The following C1QTNF5 variants were observed in gnomAD, a reference collection of about 807,000 sequenced individuals.
C1QTNF5 encodes the protein C1q and TNF related 5.
A neutral mutation model predicts 10.9 loss-of-function variants in C1QTNF5; 5 were observed. The ratio of observed to expected loss-of-function variants is 0.46; its 90% CI spans 0.24 to 0.97. C1QTNF5 has a LOEUF of 0.97. Ranked by LOEUF, C1QTNF5 falls within the 50% of genes least tolerant of loss-of-function variation. The probability of loss-of-function intolerance (pLI) is 0.19; values close to 1 mark genes in which losing one functional copy is unlikely to be tolerated. For synonymous variants in C1QTNF5, 161 were observed against 156.5 expected (o/e 1.03, Z -0.22); for missense variants, 281 against 339.4 (o/e 0.83, Z 1.35).
upstream of C1QTNF5, among the ~76,000 whole-genome samples, chr11:119,342,246 G>A (rs957320279): frequency 3.9e-5 from 6 of 152,224 alleles, no homozygotes; most frequent in Admixed American, 2.0e-4. Flanking sequence ...ACCCGCGTTT[G>A]CAGGGACTGC....
At chr11:119,342,958 A>G, upstream of C1QTNF5, 1 of 1,610,900 alleles carries the variant, frequency 6.2e-7, no homozygotes. Context: ...CAGCCAGCTC[A>G]TGGTGCGAGG....
At chr11:119,344,694 C>T (rs757209660), upstream of C1QTNF5, 6 of 1,613,968 alleles carry the variant, frequency 3.7e-6, no homozygotes, top group East Asian at 6.7e-5. Context: ...AAAACCATCA[C>T]ACACTGAGTC....
chr11:119,341,462 T>C, upstream of C1QTNF5: 2 of 1,177,408 alleles, frequency 1.7e-6, no homozygotes, highest in Non-Finnish European at 2.5e-6. Context: ...GAGACCCTGC[T>C]GATGCTCCTT....
upstream of C1QTNF5, chr11:119,342,776 C>T (rs377761571): frequency 6.2e-7 from 1 of 1,613,128 alleles, no homozygotes; most frequent in African/African-American, 1.3e-5. Context: ...CCTACACCCC[C>T]AGTACCCCCA....
upstream of C1QTNF5, chr11:119,344,397 G>C: frequency 1.2e-6 from 2 of 1,613,192 alleles, no homozygotes; most frequent in Non-Finnish European, 1.7e-6. Flanking sequence ...ACACCCTGTA[G>C]AGAGGTGGAA....
chr11:119,343,873 A>C (rs2135370543), upstream of C1QTNF5: 1 of 1,613,806 alleles, frequency 6.2e-7, no homozygotes, highest in Middle Eastern at 1.6e-4. Flanking sequence ...CACGTAGTCA[A>C]ACTTGCACTC....
At chr11:119,341,364 G>A (rs1165272930), upstream of C1QTNF5, 1 of 609,118 alleles carries the variant, frequency 1.6e-6, no homozygotes, top group Non-Finnish European at 2.9e-6. Context: ...AAAGGGACAG[G>A]AAGGAGCAGG....
At chr11:119,343,141 C>G, upstream of C1QTNF5, 2 of 1,074,534 alleles carry the variant, frequency 1.9e-6, no homozygotes, top group Non-Finnish European at 2.7e-6. Context: ...TAGGGTCTGG[C>G]GAGAAAGACA....
At chr11:119,344,294 T>C (rs575586747), upstream of C1QTNF5, 1 of 1,611,720 alleles carries the variant, frequency 6.2e-7, no homozygotes, top group African/African-American at 1.3e-5. Context: ...CCTCCCGTTC[T>C]GCATGGAGCA....
At chr11:119,340,529 C>T (rs1950492362) in intron 1 of C1QTNF5, 89 bp from the exon 2 acceptor site, 2 of 971,402 alleles carry the variant, frequency 2.1e-6, no homozygotes, top group South Asian at 3.0e-5. Flanking sequence ...GGTCCCCACC[C>T]CACTGCCGTG....
chr11:119,339,241 C>T lies in C1QTNF5; in HGVS notation c.*90G>A, dbSNP rs1464431682. On this transcript the variant is annotated 3_prime_UTR_variant, in exon 3 of 3. Transcript: ENST00000528368. This position sits in a 1 kb window ranked among gnomAD's most constrained non-coding sequence, Gnocchi z 5.4. Reference sequence around the variant, plus strand: ...CACCTCCCTAGTCATTCACAATATTCCAGGGGGGCCAGCCCTCCTGGATGA... The same window carrying T: ...CACCTCCCTAGTCATTCACAATATTTCAGGGGGGCCAGCCCTCCTGGATGA... 1.4e-6 allele frequency: 2 copies of T among 1,449,736 alleles called. No homozygotes were observed. Among genetic ancestry groups the T allele is most frequent in the Non-Finnish European group, 1.9e-6 (2 of 1,063,544 alleles). The allele number at this position is 1,449,736 out of a possible 1,614,324, so 89.8% of individuals were successfully genotyped here.
At chr11:119,345,952 G>A in the C1QTNF5 span, 1 of 1,613,644 alleles carries the variant, frequency 6.2e-7, no homozygotes, top group South Asian at 1.1e-5. Context: ...GATGGAGGGT[G>A]GCGTTCAGAG....
chr11:119,344,296 C>T, upstream of C1QTNF5: 4 of 1,612,170 alleles, frequency 2.5e-6, no homozygotes, highest in Non-Finnish European at 3.4e-6. Flanking sequence ...TCCCGTTCTG[C>T]ATGGAGCACT....
At chr11:119,346,440 C>T in the C1QTNF5 span, 9 of 1,614,074 alleles carry the variant, frequency 5.6e-6, no homozygotes, top group Admixed American at 5.0e-5. Flanking sequence ...CTTAGGAGCA[C>T]GATTCTATGT....
At chr11:119,341,440 G>T, upstream of C1QTNF5, 1 of 935,192 alleles carries the variant, frequency 1.1e-6, no homozygotes, top group Admixed American at 2.3e-5. Flanking sequence ...GAGCCCCAGA[G>T]AAGGATGGGT....
In C1QTNF5 at chr11:119,340,743, G is replaced by A. The variant is rs997968723; in HGVS notation, c.-92C>T. On this transcript the variant is annotated 5_prime_UTR_variant, in exon 1 of 3. Coordinates refer to ENST00000528368, the MANE Select transcript of C1QTNF5 (RefSeq NM_001278431.2). The stretch of plus-strand genomic sequence containing the variant: ...CCTCCTTCGGGGCGCTCGCTACTCC[G>A]GACCCTCCAGTTGGTGGTGCTCCAG... 1 of 331,312 alleles carries A rather than the reference G, an allele frequency of 3.0e-6. No individual in the cohort carries two copies. The highest frequency in any genetic ancestry group is 5.5e-6 in the Non-Finnish European group (1 of 180,342). 20.5% of individuals were successfully genotyped at this position (331,312 alleles called of 1,614,324 possible).
chr11:119,344,726 G>T, upstream of C1QTNF5: 1 of 1,614,038 alleles, frequency 6.2e-7, no homozygotes. Flanking sequence ...AGATGAGCTG[G>T]TCACAGCGGA....
chr11:119,343,590 A>G (rs531499584), upstream of C1QTNF5, among the ~76,000 whole-genome samples: 1 of 152,246 alleles, frequency 6.6e-6, no homozygotes, highest in South Asian at 2.1e-4. Context: ...GTGGGGAGGA[A>G]CTGGGGCAGG....
At position 119,339,421 on chromosome 11, in the gene C1QTNF5, G is replaced by C. The variant is rs746676244; in HGVS notation, c.642C>G (p.Tyr214Ter). ...QVWVQVGVGD[Y>*]IGIYASIKTD... Reference sequence around the variant, plus strand: ...TCTTGATGCTGGCATAGATGCCAATGTAGTCACCCACACCCACCTGCACCC... The same window carrying C: ...TCTTGATGCTGGCATAGATGCCAATCTAGTCACCCACACCCACCTGCACCC... The change falls in exon 3 of 3, where the codon TAC (tyrosine) becomes TAG (stop). Residue 214 changes from tyrosine (Y) to a stop codon, truncating the protein, a stop_gained. Transcript: ENST00000528368. LOFTEE classifies it high-confidence loss of function. This position sits in a 1 kb window ranked among gnomAD's most constrained non-coding sequence, Gnocchi z 5.4. 6.2e-7 allele frequency: 1 copy of C among 1,613,480 alleles called. No homozygotes were observed. The highest frequency in any genetic ancestry group is 8.5e-7 in the Non-Finnish European group (1 of 1,179,700).
Sources: allele counts gnomAD v4.1 joint callset (sites outside exome capture counted in the v4.1 genomes callset), GRCh38; gene constraint gnomAD v4.1.1; non-coding constraint Gnocchi (gnomAD v3.1); transcripts MANE v1.5; gene names NCBI Gene and HGNC (gene_info 2026-07-23, HGNC 2026-07-21).